The following SLC14A2 variants were observed in gnomAD, a reference collection of about 807,000 sequenced individuals.
SLC14A2 encodes urea transporter 2.
Under a neutral mutation model 104.6 loss-of-function variants are expected in SLC14A2, and 91 were observed. The observed-to-expected ratio is 0.87, with a 90% confidence interval of 0.73 to 1.04. The LOEUF (loss-of-function observed/expected upper bound fraction) is 1.04, where lower values mean the gene tolerates loss of function less well. SLC14A2 is among the 50% of genes least tolerant of loss of function. The pLI, the probability that SLC14A2 is intolerant of heterozygous loss-of-function variation, is 0.00. For synonymous variants in SLC14A2, 476 were observed against 466.4 expected (o/e 1.02, Z -0.27); for missense variants, 1,189 against 1,156.0 (o/e 1.03, Z -0.41).
At chr18:45,237,348 C>T (rs749808816) in intron 1 of SLC14A2, among the ~76,000 whole-genome samples, 6 of 152,036 alleles carry the variant, frequency 3.9e-5, no homozygotes, top group Non-Finnish European at 7.4e-5. Context: ...TCCCTGGTTA[C>T]GTATAAAGAT....
intron 1 of SLC14A2, among the ~76,000 whole-genome samples, chr18:45,475,482 G>A (rs1009105411): frequency 2.0e-5 from 3 of 151,364 alleles, no homozygotes; most frequent in Admixed American, 2.0e-4. Context: ...CTATTATTGT[G>A]TGGGAGTCTA....
At chr18:45,214,634 G>A (rs2083991487) in intron 1 of SLC14A2, among the ~76,000 whole-genome samples, 2 of 152,130 alleles carry the variant, frequency 1.3e-5, no homozygotes, top group South Asian at 2.1e-4. Context: ...TTGGGGCAGG[G>A]AAGAGGGTAT....
chr18:45,569,233 T>C (rs565381523), intron 2 of SLC14A2, among the ~76,000 whole-genome samples: 1 of 152,338 alleles, frequency 6.6e-6, no homozygotes, highest in East Asian at 1.9e-4. Context: ...ACCTCCAGTC[T>C]GAAAAAATCT....
At chr18:45,664,599 C>G (rs1006784966) in intron 11 of SLC14A2, among the ~76,000 whole-genome samples, 2 of 152,204 alleles carry the variant, frequency 1.3e-5, no homozygotes, top group African/African-American at 2.4e-5. Context: ...ACACAGCTGA[C>G]TAGGGCCACT....
intron 1 of SLC14A2, among the ~76,000 whole-genome samples, chr18:45,343,002 C>G (rs150124579): frequency 1.3e-5 from 2 of 152,282 alleles, no homozygotes; most frequent in Non-Finnish European, 2.9e-5. Context: ...ACCATTGTCC[C>G]TGTTCTCCAA....
At chr18:45,435,847 C>A (rs2086587574) in intron 1 of SLC14A2, among the ~76,000 whole-genome samples, 1 of 152,158 alleles carries the variant, frequency 6.6e-6, no homozygotes. Context: ...GCAATCCAAA[C>A]TGGTTTCCAT....
At chr18:45,672,811 G>A in intron 16 of SLC14A2, 89 bp from the exon 17 acceptor site, 1 of 1,205,108 alleles carries the variant, frequency 8.3e-7, no homozygotes, top group Non-Finnish European at 1.2e-6. Flanking sequence ...AATGTTAGTG[G>A]GAAGGGTTCA....
At chr18:45,168,609 A>T in the SLC14A2 span, 6 of 152,212 alleles carry the variant, frequency 3.9e-5, no homozygotes, top group Non-Finnish European at 7.3e-5. Flanking sequence ...ATTTACGTAC[A>T]TGAGCCTTTA....
chr18:45,619,221 C>T (rs1423959668), intron 1 of SLC14A2, among the ~76,000 whole-genome samples: 1 of 152,256 alleles, frequency 6.6e-6, no homozygotes, highest in Non-Finnish European at 1.5e-5. Context: ...CAAGTCCTGA[C>T]ATGGAAGCTG....
chr18:45,646,330 G>C (rs2045626638), intron 10 of SLC14A2: 1 of 147,360 alleles, frequency 6.8e-6, no homozygotes, highest in Non-Finnish European at 1.5e-5. Flanking sequence ...CCGATCCCAT[G>C]ATGCATGAAA....
intron 2 of SLC14A2, among the ~76,000 whole-genome samples, chr18:45,540,918 A>C (rs1432326018): frequency 6.6e-6 from 1 of 152,112 alleles, no homozygotes; most frequent in Non-Finnish European, 1.5e-5. Flanking sequence ...CAAGGATTCC[A>C]TTGGGTTCCA....
rs765625247 is a variant in SLC14A2, at chr18:45,491,873, G to A, written c.-35+8551G>A. ...CCAAGGACCACTGGGGTCCCAGCCA[G>A]CACCAGCTCTGCCAGGGCATTCCAG... On this transcript the variant is annotated intron_variant, in intron 2 of 20. Coordinates refer to the SLC14A2 transcript ENST00000586448. Among the ~76,000 whole-genome samples, 76 of 152,230 alleles carry A rather than the reference G, an allele frequency of 5.0e-4. 3 individuals are homozygous for A. Among genetic ancestry groups the A allele is most frequent in the Non-Finnish European group, 1.2e-4 (8 of 68,034 alleles).
intron 2 of SLC14A2, among the ~76,000 whole-genome samples, chr18:45,600,444 T>A (rs2044772069): frequency 6.6e-6 from 1 of 152,202 alleles, no homozygotes; most frequent in East Asian, 1.9e-4. Flanking sequence ...GAGTCAGGCA[T>A]CCCTTCTTCT....
At chr18:45,334,154 A>G (rs2085315596) in intron 1 of SLC14A2, among the ~76,000 whole-genome samples, 1 of 152,224 alleles carries the variant, frequency 6.6e-6, no homozygotes, top group Admixed American at 6.5e-5. Flanking sequence ...GTAGGTAATC[A>G]GTGATATAAT....
At chr18:45,504,597 G>T (rs2144771279) in intron 2 of SLC14A2, among the ~76,000 whole-genome samples, 1 of 152,188 alleles carries the variant, frequency 6.6e-6, no homozygotes, top group Middle Eastern at 3.4e-3. Flanking sequence ...TCTCTTATCT[G>T]GTCAGTAATA....
At chr18:45,654,926 G>A (rs1012437480) in intron 10 of SLC14A2, among the ~76,000 whole-genome samples, 1 of 152,150 alleles carries the variant, frequency 6.6e-6, no homozygotes, top group Non-Finnish European at 1.5e-5. Context: ...GTGCTGAGTT[G>A]GGCCTCTGGG....
At chr18:45,205,923 C>G in the SLC14A2 span, among the ~76,000 whole-genome samples, 1 of 152,048 alleles carries the variant, frequency 6.6e-6, no homozygotes, top group African/African-American at 2.4e-5. Flanking sequence ...AGGGGGATCC[C>G]AAAGAAAAGA....
intron 2 of SLC14A2, among the ~76,000 whole-genome samples, chr18:45,590,029 C>T (rs894640157): frequency 6.6e-6 from 1 of 152,202 alleles, no homozygotes; most frequent in African/African-American, 2.4e-5. Context: ...GTGAATATCT[C>T]ATTTTGACCA....
intron 1 of SLC14A2, among the ~76,000 whole-genome samples, chr18:45,283,660 G>C (rs1356139872): frequency 6.6e-6 from 1 of 152,188 alleles, no homozygotes; most frequent in Non-Finnish European, 1.5e-5. Context: ...GTATTCAACA[G>C]GTCTCCATTG....
Sources: allele counts gnomAD v4.1 joint callset (sites outside exome capture counted in the v4.1 genomes callset), GRCh38; gene constraint gnomAD v4.1.1; transcripts MANE v1.5; gene names NCBI Gene and HGNC (gene_info 2026-07-23, HGNC 2026-07-21).